The following SPC25 variants were observed in gnomAD, a reference collection of about 807,000 sequenced individuals.
SPC25 encodes SPC25 component of NDC80 kinetochore complex.
In SPC25, 22 loss-of-function variants were observed where a neutral mutation model predicts 29.6. The ratio of observed to expected loss-of-function variants is 0.74; its 90% CI spans 0.53 to 1.06. The LOEUF is 1.06. SPC25 is among the 50% of genes least tolerant of loss of function. The pLI, the probability that SPC25 is intolerant of heterozygous loss-of-function variation, is 0.00. For synonymous variants in SPC25, 91 were observed against 90.4 expected (o/e 1.01, Z -0.04); for missense variants, 230 against 255.8 (o/e 0.90, Z 0.69).
chr2:168,880,464 C>A (rs1157983552), intron 3 of SPC25, among the ~76,000 whole-genome samples: 2 of 151,848 alleles, frequency 1.3e-5, no homozygotes, highest in Admixed American at 1.3e-4. Flanking sequence ...TAGAGTCTTA[C>A]CCTGAATTAG....
intron 3 of SPC25, among the ~76,000 whole-genome samples, chr2:168,886,253 AC>A (rs945096038): frequency 6.6e-6 from 1 of 151,912 alleles, no homozygotes; most frequent in African/African-American, 2.4e-5. Flanking sequence ...ACAAGGTCTC[AC>A]TATATTGCCC....
chr2:168,885,720 C>T (rs1298623251), intron 3 of SPC25, among the ~76,000 whole-genome samples: 2 of 152,224 alleles, frequency 1.3e-5, no homozygotes, highest in Non-Finnish European at 2.9e-5. Context: ...CCCTAACCCT[C>T]CTTTATGTGA....
intron 3 of SPC25, among the ~76,000 whole-genome samples, chr2:168,887,187 A>G (rs1018867102): frequency 1.3e-5 from 2 of 152,004 alleles, no homozygotes; most frequent in African/African-American, 4.8e-5. Flanking sequence ...TTGGGAGGCC[A>G]AGGTGGGCAG....
chr2:168,868,660 A>AAGG (rs1200402466), downstream of SPC25, among the ~76,000 whole-genome samples: 2 of 152,240 alleles, frequency 1.3e-5, no homozygotes, highest in East Asian at 1.9e-4. Flanking sequence ...AACAAGGAAG[A>AAGG]AGTTGAATCT....
At chr2:168,874,029 C>T (rs1690043124) in intron 5 of SPC25, among the ~76,000 whole-genome samples, 1 of 152,052 alleles carries the variant, frequency 6.6e-6, no homozygotes, top group Non-Finnish European at 1.5e-5. Flanking sequence ...GTATTTAGAA[C>T]TCCTGCAACT....
rs5836210 is a variant in SPC25, at chr2:168,871,559, G to GA, written c.551-5dup. ...AGATGAGGGGCACTATCTGACACTA[G>GA]AAAAAAAAAAAAAAGAAATCAAAGA... On this transcript the variant is annotated splice_polypyrimidine_tract_variant and splice_region_variant and intron_variant, in intron 6 of 6. Transcript: ENST00000282074. The GA allele has an allele frequency of 4.8e-3, 6,386 of 1,341,064 alleles. No individual in the cohort carries two copies. Among genetic ancestry groups the GA allele is most frequent in the Non-Finnish European group, 5.2e-3 (5,228 of 1,003,490 alleles). The allele number at this position is 1,341,064 out of a possible 1,614,324, so 83.1% of individuals were successfully genotyped here.
intron 3 of SPC25, among the ~76,000 whole-genome samples, chr2:168,882,232 T>C (rs918631759): frequency 5.3e-5 from 8 of 152,380 alleles, no homozygotes; most frequent in South Asian, 2.1e-4. Context: ...AATTCTTTAG[T>C]CTTTTACTAC....
At chr2:168,884,739 G>A (rs1690233331) in intron 3 of SPC25, 1 of 152,148 alleles carries the variant, frequency 6.6e-6, no homozygotes, top group Admixed American at 6.5e-5. Flanking sequence ...GTAATGCTCT[G>A]AAGATGAGTA....
Position 168,874,281 on chromosome 2 carries a change from A to G in SPC25, c.452-598T>C, listed in dbSNP as rs887753315. 1.5e-4 allele frequency among the ~76,000 whole-genome samples: 23 copies of G among 152,214 alleles called. 1 individual carries two copies. The highest frequency in any genetic ancestry group is 2.9e-5 in the Non-Finnish European group (2 of 68,028). On this transcript the variant is annotated intron_variant, in intron 5 of 6. Coordinates refer to ENST00000282074, the MANE Select transcript of SPC25 (RefSeq NM_020675.4). ...GAACCCTAGCACATTGCTGGTAGAA[A>G]TGTAAAATGGTACAGCCACTGTGAA...
intron 3 of SPC25, among the ~76,000 whole-genome samples, chr2:168,886,807 C>G (rs1482284851): frequency 6.6e-6 from 1 of 152,182 alleles, no homozygotes; most frequent in African/African-American, 2.4e-5. Context: ...GCGTGAACCA[C>G]CCCGCCCGGC....
downstream of SPC25, among the ~76,000 whole-genome samples, chr2:168,867,130 T>C (rs1689875678): frequency 1.3e-5 from 2 of 152,234 alleles, no homozygotes; most frequent in African/African-American, 2.4e-5. Flanking sequence ...ACTGAGTATA[T>C]ACCCAAAGGA....
chr2:168,861,765 C>G (rs75738465), intron 4 of SPC25, among the ~76,000 whole-genome samples: 239 of 152,226 alleles, frequency 1.6e-3, no homozygotes, highest in Non-Finnish European at 2.7e-3. Context: ...CATATGCAGT[C>G]CATACATATA....
intron 3 of SPC25, among the ~76,000 whole-genome samples, chr2:168,884,305 G>C (rs992336753): frequency 3.9e-5 from 6 of 152,156 alleles, no homozygotes; most frequent in Non-Finnish European, 8.8e-5. Context: ...CTGTAAAACA[G>C]GGATAATCTC....
intron 3 of SPC25, among the ~76,000 whole-genome samples, 154 bp downstream of exon 3, chr2:168,889,072 C>T (rs866219767): frequency 4.4e-5 from 2 of 45,270 alleles, no homozygotes; most frequent in Admixed American, 2.9e-4. Context: ...TATATATACA[C>T]ATATATATAC....
intron 4 of SPC25, chr2:168,865,656 A>G (rs1294617266): frequency 1.3e-5 from 2 of 152,228 alleles, no homozygotes; most frequent in East Asian, 1.9e-4. Flanking sequence ...AGGGCATTCA[A>G]TTAGGAAAAG....
rs185607441 is a variant in SPC25 at position 168,878,351 on chromosome 2, A to C, written c.200-967T>G. Among the ~76,000 whole-genome samples the C allele has an allele frequency of 5.3e-5, 8 of 152,350 alleles. No individual in the cohort carries two copies. The East Asian group carries it at 9.6e-4, about 18-fold the overall frequency. On this transcript the variant is annotated intron_variant, in intron 3 of 6. Coordinates refer to ENST00000282074, the MANE Select transcript of SPC25 (RefSeq NM_020675.4). ...TATTAGGAAAATCCATCACATGAAT[A>C]AGAATTGAAGAGACATTTCATATGA...
chr2:168,874,648 A>G (rs1168896105), intron 5 of SPC25, among the ~76,000 whole-genome samples: 3 of 152,098 alleles, frequency 2.0e-5, no homozygotes, highest in African/African-American at 7.2e-5. Context: ...TTATTACAGC[A>G]AAAGGATATA....
chr2:168,885,156 CAT>C (rs1038477534), intron 3 of SPC25, among the ~76,000 whole-genome samples: 2 of 152,312 alleles, frequency 1.3e-5, no homozygotes, highest in Non-Finnish European at 2.9e-5. Flanking sequence ...ATTGAACCCA[CAT>C]ATGTTTCCTT....
downstream of SPC25, among the ~76,000 whole-genome samples, chr2:168,867,663 A>G (rs1159916851): frequency 1.3e-5 from 2 of 152,284 alleles, no homozygotes; most frequent in East Asian, 1.9e-4. Context: ...TGGTAAAGGG[A>G]TCAATTCAAC....
Sources: gnomAD v4.1 joint callset for allele counts (sites outside exome capture counted in the v4.1 genomes callset) on GRCh38, gnomAD v4.1.1 for gene constraint, MANE v1.5 for transcripts, NCBI Gene and HGNC (gene_info 2026-07-23, HGNC 2026-07-21) for gene names.